The following DGCR2 variants were observed in gnomAD, a reference collection of about 807,000 sequenced individuals.
DGCR2 encodes the protein DiGeorge syndrome critical region gene 2.
In DGCR2, 24 loss-of-function variants were observed where a neutral mutation model predicts 51.6. The observed-to-expected ratio is 0.47, with a 90% CI of 0.34 to 0.65. DGCR2 has a LOEUF of 0.65. DGCR2 is among the 30% of genes least tolerant of loss of function. The pLI, the probability that DGCR2 is intolerant of heterozygous loss-of-function variation, is 0.01. For synonymous variants in DGCR2, 340 were observed against 315.4 expected (o/e 1.08, Z -0.82); for missense variants, 765 against 772.1 (o/e 0.99, Z 0.11).
intron 1 of DGCR2, among the ~76,000 whole-genome samples, chr22:19,096,818 C>T (rs112102996): frequency 0.036 from 5,413 of 151,260 alleles, 288 homozygotes; most frequent in African/African-American, 0.12. Flanking sequence ...AATGACTCTC[C>T]CACCTCAGAC....
intron 2 of DGCR2, among the ~76,000 whole-genome samples, chr22:19,068,772 T>C (rs113521078): frequency 0.016 from 2,444 of 152,382 alleles, 70 homozygotes; most frequent in African/African-American, 0.056. Flanking sequence ...TGTTCCTGTC[T>C]GGCTCTTTGG....
At chr22:19,070,443 C>T (rs906774893) in intron 2 of DGCR2, among the ~76,000 whole-genome samples, 5 of 152,208 alleles carry the variant, frequency 3.3e-5, no homozygotes, top group South Asian at 4.1e-4. Context: ...ACCTGTGGCT[C>T]CACTTTGTAT....
chr22:19,100,687 C>T, intron 1 of DGCR2, among the ~76,000 whole-genome samples: 1 of 150,022 alleles, frequency 6.7e-6, no homozygotes, highest in South Asian at 2.1e-4. Flanking sequence ...AAACCTGCCA[C>T]ATCAGCAGTT....
At chr22:19,044,774 T>C (rs545808103) in intron 7 of DGCR2, among the ~76,000 whole-genome samples, 18 of 152,372 alleles carry the variant, frequency 1.2e-4, no homozygotes, top group Non-Finnish European at 1.9e-4. Context: ...TCCTATATCT[T>C]CTTTGATAAA....
chr22:19,077,313 G>GT (rs1203325919), intron 2 of DGCR2, among the ~76,000 whole-genome samples: 3 of 152,162 alleles, frequency 2.0e-5, no homozygotes, highest in Non-Finnish European at 4.4e-5. Flanking sequence ...GAATTTTATA[G>GT]TTTAAGGTCT....
At chr22:19,097,347 A>T (rs1340178426) in intron 1 of DGCR2, among the ~76,000 whole-genome samples, 1 of 152,130 alleles carries the variant, frequency 6.6e-6, no homozygotes, top group Non-Finnish European at 1.5e-5. Context: ...CAAGGTCAGG[A>T]GTTCAAGACC....
At position 19,038,811 on chromosome 22, in the gene DGCR2, T is replaced by C. The variant is rs953424998; in HGVS notation, c.*54A>G. ...CCTTTCAAGTCTCCCCAGGGACCGGTGTTTTCTACAACAGACAGGTGCTCC... is the reference window on the plus strand; with the variant it reads ...CCTTTCAAGTCTCCCCAGGGACCGGCGTTTTCTACAACAGACAGGTGCTCC... On this transcript the variant is annotated 3_prime_UTR_variant, in exon 10 of 10. Coordinates refer to ENST00000263196, the MANE Select transcript of DGCR2 (RefSeq NM_005137.3). 42 of 1,580,932 alleles carry C rather than the reference T, an allele frequency of 2.7e-5. No individual in the cohort carries two copies. The Admixed American group carries it at 7.2e-4, about 27-fold the overall frequency.
chr22:19,111,608 T>G (rs2083314673), intron 1 of DGCR2, among the ~76,000 whole-genome samples: 1 of 152,046 alleles, frequency 6.6e-6, no homozygotes, highest in South Asian at 2.1e-4. Flanking sequence ...TCTTGTCAGG[T>G]AAAGGGTGTG....
At chr22:19,073,649 G>T (rs927443416) in intron 2 of DGCR2, among the ~76,000 whole-genome samples, 2 of 152,146 alleles carry the variant, frequency 1.3e-5, no homozygotes, top group Non-Finnish European at 2.9e-5. Context: ...GAGTAAAAAT[G>T]GAGTAAGCTT....
chr22:19,069,850 G>A (rs2082793980), intron 2 of DGCR2, among the ~76,000 whole-genome samples: 1 of 152,180 alleles, frequency 6.6e-6, no homozygotes, highest in African/African-American at 2.4e-5. Flanking sequence ...GGCATGTGAT[G>A]GGGATGGGTT....
At chr22:19,091,638 G>A (rs1324036715) in intron 1 of DGCR2, among the ~76,000 whole-genome samples, 2 of 152,130 alleles carry the variant, frequency 1.3e-5, no homozygotes, top group Non-Finnish European at 1.5e-5. Context: ...AGGGCTGGGC[G>A]TGGTGGCTCA....
chr22:19,122,088 C>A (rs1275702903), intron 1 of DGCR2, 40 bp downstream of exon 1: 2 of 1,418,176 alleles, frequency 1.4e-6, no homozygotes, highest in Non-Finnish European at 1.9e-6. Flanking sequence ...CGGCCCCGCT[C>A]GCCGCCCAGC....
intron 5 of DGCR2, chr22:19,060,997 A>G (rs778615640): frequency 4.6e-5 from 13 of 281,260 alleles, no homozygotes; most frequent in Non-Finnish European, 7.4e-5. Context: ...GACAACATGT[A>G]GATGAAAGAA....
At chr22:19,042,797 G>C (rs1189331564) in intron 7 of DGCR2, among the ~76,000 whole-genome samples, 1 of 152,200 alleles carries the variant, frequency 6.6e-6, no homozygotes, top group Non-Finnish European at 1.5e-5. Context: ...GCCCCTGTGG[G>C]CAGCCGCACG....
chr22:19,062,779 A>ACTCTCACTCTCTCTCTCTCTCT (rs2082688845), intron 5 of DGCR2, among the ~76,000 whole-genome samples: 1 of 127,354 alleles, frequency 7.9e-6, no homozygotes, highest in East Asian at 2.3e-4. Context: ...ATGCATGCTC[A>ACTCTCACTCTCTCTCTCTCTCT]CTCTCTCTCT....
chr22:19,107,259 G>C (rs770468301), intron 1 of DGCR2, among the ~76,000 whole-genome samples: 4 of 152,098 alleles, frequency 2.6e-5, no homozygotes, highest in Non-Finnish European at 4.4e-5. Context: ...ACCACCACTG[G>C]AGACAGGTGG....
Position 19,122,406 on chromosome 22 carries a change from G to T in DGCR2, c.-200C>A. The T allele has an allele frequency of 2.4e-6, 1 of 419,294 alleles. No homozygotes were observed. Among genetic ancestry groups the T allele is most frequent in the South Asian group, 4.5e-5 (1 of 22,292 alleles). 26.0% of individuals were successfully genotyped at this position (419,294 alleles called of 1,614,324 possible). On this transcript the variant is annotated 5_prime_UTR_variant, in exon 1 of 10. Coordinates refer to ENST00000263196, the MANE Select transcript of DGCR2 (RefSeq NM_005137.3). ...CCTCAGGCACCGACTCCAGCTGCGC[G>T]CAAGATGGCGGCCGTCCTGCTCGGC...
chr22:19,039,033 C>T lies in DGCR2; in HGVS notation c.1485G>A (p.Gln495=). The change falls in exon 10 of 10, where the codon CAG becomes CAA. Residue 495 remains glutamine, a synonymous_variant. Transcript: ENST00000263196. Reference sequence around the variant, plus strand: ...GAGAGGCCCCCGCAGTGGGCAGAGGCTGCTCCAGGCGCCGGAGTAATGCAC... The same window carrying T: ...GAGAGGCCCCCGCAGTGGGCAGAGGTTGCTCCAGGCGCCGGAGTAATGCAC... ...SEGALLRRLE[Q]PLPTAGASLA... The T allele has an allele frequency of 6.2e-7, 1 of 1,612,922 alleles. No individual in the cohort carries two copies. The highest frequency in any genetic ancestry group is 8.5e-7 in the Non-Finnish European group (1 of 1,179,848).
intron 1 of DGCR2, among the ~76,000 whole-genome samples, chr22:19,111,110 C>T (rs930196395): frequency 1.3e-5 from 2 of 152,070 alleles, no homozygotes; most frequent in African/African-American, 2.4e-5. Context: ...CCACAAAGTC[C>T]GTCCATACAA....
Sources: allele counts gnomAD v4.1 joint callset (sites outside exome capture counted in the v4.1 genomes callset), GRCh38; gene constraint gnomAD v4.1.1; transcripts MANE v1.5; gene names NCBI Gene and HGNC (gene_info 2026-07-23, HGNC 2026-07-21).